Variants in RGS6 observed in about 807,000 individuals in gnomAD.
RGS6 encodes regulator of G protein signaling 6.
In RGS6, 30 loss-of-function variants were observed where a neutral mutation model predicts 78.5. The ratio of observed to expected loss-of-function variants is 0.38; its 90% CI spans 0.29 to 0.52. The LOEUF (loss-of-function observed/expected upper bound fraction) is 0.52, where lower values mean the gene tolerates loss of function less well. RGS6 is among the 20% of genes least tolerant of loss of function. The pLI, the probability that RGS6 is intolerant of heterozygous loss-of-function variation, is 0.85. For missense variants in RGS6, 495 were observed against 609.7 expected, an observed-to-expected ratio of 0.81 and a Z score of 1.98; for synonymous variants, 206 against 206.0, an observed-to-expected ratio of 1.00 and a Z score of 0.00.
At chr14:72,161,280 A>C (rs2096849110) in intron 2 of RGS6, among the ~76,000 whole-genome samples, 1 of 152,164 alleles carries the variant, frequency 6.6e-6, no homozygotes, top group Non-Finnish European at 1.5e-5. Context: ...GAAATACCTA[A>C]TGTAGATGAC....
intron 2 of RGS6, among the ~76,000 whole-genome samples, chr14:72,034,787 G>T (rs1158534160): frequency 6.6e-6 from 1 of 152,074 alleles, no homozygotes; most frequent in Admixed American, 6.6e-5. Context: ...GAAACCATCT[G>T]GTCCGGGGCT....
intron 2 of RGS6, among the ~76,000 whole-genome samples, chr14:71,974,328 CA>C (rs1473400336): frequency 1.3e-5 from 2 of 152,164 alleles, no homozygotes; most frequent in Non-Finnish European, 2.9e-5. Context: ...AAAATGGACA[CA>C]TTTTTTTGAT....
chr14:72,211,441 G>A (rs559707911), intron 2 of RGS6, among the ~76,000 whole-genome samples: 9 of 152,302 alleles, frequency 5.9e-5, no homozygotes, highest in African/African-American at 2.2e-4. Context: ...AGGCAGTTGA[G>A]CTGTGGGTAC....
the RGS6 span, among the ~76,000 whole-genome samples, chr14:71,919,156 G>C: frequency 3.3e-5 from 5 of 152,168 alleles, no homozygotes; most frequent in Non-Finnish European, 5.9e-5. Flanking sequence ...ACAGCTCCCA[G>C]CTTCCCCACG....
At chr14:72,461,898 A>G (rs1253121216) in intron 6 of RGS6, among the ~76,000 whole-genome samples, 2 of 152,046 alleles carry the variant, frequency 1.3e-5, no homozygotes, top group African/African-American at 4.8e-5. Flanking sequence ...CTTGTCTCCT[A>G]GTGTTTTGTT....
chr14:72,028,259 G>C (rs1047584408), intron 2 of RGS6, among the ~76,000 whole-genome samples: 3 of 152,202 alleles, frequency 2.0e-5, no homozygotes, highest in Non-Finnish European at 4.4e-5. Flanking sequence ...TGTTCTGCGT[G>C]TTCACATTTG....
the RGS6 span, among the ~76,000 whole-genome samples, chr14:72,613,032 A>G: frequency 4.5e-4 from 44 of 98,120 alleles, no homozygotes; most frequent in South Asian, 1.8e-3. Flanking sequence ...GTGTGTGTGT[A>G]TGTGCGTGCG....
At chr14:72,392,443 A>G (rs1566714164) in intron 3 of RGS6, among the ~76,000 whole-genome samples, 3 of 152,050 alleles carry the variant, frequency 2.0e-5, no homozygotes, top group South Asian at 2.1e-4. Flanking sequence ...TCTGGGTGCT[A>G]TAGTTGTCCT....
chr14:72,111,004 C>T (rs1392320730), intron 2 of RGS6, among the ~76,000 whole-genome samples: 1 of 152,164 alleles, frequency 6.6e-6, no homozygotes, highest in Non-Finnish European at 1.5e-5. Flanking sequence ...ACTTTCCAGT[C>T]TTTAACCTAT....
At position 72,509,251 on chromosome 14, in the gene RGS6, G is replaced by T. The variant is rs543824210; in HGVS notation, c.966-903G>T. Among the ~76,000 whole-genome samples, 3 of 151,982 alleles carry T rather than the reference G, an allele frequency of 2.0e-5. No homozygotes were observed. The South Asian group carries it at 6.2e-4, about 32-fold the overall frequency. On this transcript the variant is annotated intron_variant, in intron 13 of 17. Coordinates refer to ENST00000553525, the MANE Select transcript of RGS6 (RefSeq NM_001204424.2). The stretch of plus-strand genomic sequence containing the variant: ...GTGGTGGTACGCACCTGTAGTCCCC[G>T]CTATTCGGGAGGCTGAGGCAGGAGC...
At chr14:72,158,754 G>A (rs887424414) in intron 2 of RGS6, among the ~76,000 whole-genome samples, 8 of 152,196 alleles carry the variant, frequency 5.3e-5, no homozygotes, top group South Asian at 4.1e-4. Flanking sequence ...ACCAAACTAC[G>A]TAAAAGTACT....
chr14:71,886,495 C>G, the RGS6 span, among the ~76,000 whole-genome samples: 1 of 152,012 alleles, frequency 6.6e-6, no homozygotes, highest in African/African-American at 2.4e-5. Flanking sequence ...TGAGTTTTTT[C>G]GTTTAGTAGT....
chr14:72,204,586 G>T (rs1181554791), intron 2 of RGS6, among the ~76,000 whole-genome samples: 2 of 152,206 alleles, frequency 1.3e-5, no homozygotes, highest in Non-Finnish European at 2.9e-5. Context: ...AAGTCCAAAG[G>T]CAAGGCAGAG....
At chr14:71,889,828 C>G in the RGS6 span, among the ~76,000 whole-genome samples, 10 of 152,240 alleles carry the variant, frequency 6.6e-5, no homozygotes, top group African/African-American at 2.2e-4. Context: ...ACGCCATCCC[C>G]TTGGCACTAT....
intron 2 of RGS6, among the ~76,000 whole-genome samples, chr14:72,150,773 T>C (rs922470727): frequency 7.9e-5 from 12 of 151,946 alleles, no homozygotes; most frequent in African/African-American, 2.9e-4. Flanking sequence ...CACCAGGCCC[T>C]CCTCCACATT....
intron 2 of RGS6, among the ~76,000 whole-genome samples, chr14:72,021,991 AT>A (rs1335422839): frequency 6.6e-6 from 1 of 151,802 alleles, no homozygotes; most frequent in East Asian, 1.9e-4. Flanking sequence ...AGTTCTTATC[AT>A]TTAGCTCCCA....
intron 2 of RGS6, among the ~76,000 whole-genome samples, chr14:72,028,596 T>G (rs1370547145): frequency 6.6e-6 from 1 of 152,232 alleles, no homozygotes; most frequent in Non-Finnish European, 1.5e-5. Flanking sequence ...ACAGGCATCC[T>G]TCTGGAACAT....
intron 1 of RGS6, among the ~76,000 whole-genome samples, chr14:71,947,086 AGTTTTGCTTTATTACAGTTAGT>A (rs1481774388): frequency 6.6e-6 from 1 of 152,118 alleles, no homozygotes; most frequent in Non-Finnish European, 1.5e-5. Flanking sequence ...GCTTACAGGT[AGTTTTGCTTTATTACAGTTAGT>A]GTACAATTCT....
At chr14:72,396,846 G>A (rs1415385513) in intron 3 of RGS6, among the ~76,000 whole-genome samples, 1 of 152,206 alleles carries the variant, frequency 6.6e-6, no homozygotes, top group African/African-American at 2.4e-5. Flanking sequence ...TCAAAGATCA[G>A]ATAGTTGTAG....
Sources: gnomAD v4.1 joint callset for allele counts (sites outside exome capture counted in the v4.1 genomes callset) on GRCh38, gnomAD v4.1.1 for gene constraint, MANE v1.5 for transcripts, NCBI Gene and HGNC (gene_info 2026-07-23, HGNC 2026-07-21) for gene names.